Variants in COL25A1 observed in about 807,000 individuals in gnomAD.
COL25A1 encodes the protein collagen alpha-1(XXV) chain.
COL25A1 carries 103 observed loss-of-function variants against 128.4 expected under a neutral mutation model. That is an observed-to-expected ratio of 0.80 (90% CI 0.68 to 0.94). The LOEUF (loss-of-function observed/expected upper bound fraction) is 0.94. COL25A1 is among the 40% of genes least tolerant of loss of function. The pLI is 0.00. For missense variants in COL25A1, 745 were observed against 840.0 expected (o/e 0.89, Z 1.40); for synonymous variants, 279 against 277.2 (o/e 1.01, Z -0.06).
chr4:109,001,375 G>GCATCTGAGATCCTGTCAGGTAGA, intron 6 of COL25A1, among the ~76,000 whole-genome samples: 3 of 152,172 alleles, frequency 2.0e-5, no homozygotes, highest in African/African-American at 2.4e-5. Context: ...AAAGAAACAG[G>GCATCTGAGATCCTGTCAGGTAGA]CATCTGAGAT....
chr4:109,266,788 G>A (rs1354905464), intron 3 of COL25A1, among the ~76,000 whole-genome samples: 1 of 152,104 alleles, frequency 6.6e-6, no homozygotes, highest in Admixed American at 6.6e-5. Flanking sequence ...CAAAAACCAA[G>A]TAGCAATTAT....
Position 108,811,689 on chromosome 4 carries a change from C to T in COL25A1, c.*2238G>A, listed in dbSNP as rs1020188430. 6.6e-6 allele frequency: 1 copy of T among 152,092 alleles called. No homozygotes were observed. The highest frequency in any genetic ancestry group is 2.4e-5 in the African/African-American group (1 of 41,438). 9.4% of individuals were successfully genotyped at this position (152,092 alleles called of 1,614,324 possible). A position where few individuals can be genotyped will look rare whatever the true frequency, so the allele number is the denominator to read the frequency against. On this transcript the variant is annotated 3_prime_UTR_variant, in exon 38 of 38. Coordinates refer to ENST00000399132, the MANE Select transcript of COL25A1 (RefSeq NM_198721.4). ...CATTGAGCAATACGTTATCCTAACA[C>T]CATGCCATACAAGAAATTGTTAGAA...
chr4:108,846,397 A>G (rs1439430853), intron 27 of COL25A1, among the ~76,000 whole-genome samples, 178 bp from the exon 28 acceptor site: 1 of 152,206 alleles, frequency 6.6e-6, no homozygotes, highest in Admixed American at 6.5e-5. Context: ...TGCAATCAGT[A>G]CTATTTCTCC....
At chr4:109,190,112 A>T (rs372993169) in intron 3 of COL25A1, among the ~76,000 whole-genome samples, 6 of 152,186 alleles carry the variant, frequency 3.9e-5, no homozygotes, top group African/African-American at 1.4e-4. Flanking sequence ...TGCAGAACCA[A>T]TCAAGCAGAT....
At chr4:109,295,566 G>A (rs1339051920) in intron 3 of COL25A1, among the ~76,000 whole-genome samples, 5 of 151,974 alleles carry the variant, frequency 3.3e-5, no homozygotes, top group Non-Finnish European at 5.9e-5. Context: ...TCCATAGATT[G>A]TGCAGTGTTA....
intron 11 of COL25A1, among the ~76,000 whole-genome samples, chr4:108,924,623 T>C (rs1745834608): frequency 6.6e-6 from 1 of 152,196 alleles, no homozygotes; most frequent in Non-Finnish European, 1.5e-5. Flanking sequence ...CTTGCTCCCT[T>C]AGCTAACGTA....
chr4:109,242,905 A>G (rs547135831), intron 3 of COL25A1, among the ~76,000 whole-genome samples: 2 of 152,188 alleles, frequency 1.3e-5, no homozygotes, highest in East Asian at 3.9e-4. Flanking sequence ...TTGTGTGTGT[A>G]TATGTATTAA....
At chr4:108,921,125 T>G (rs1207819205) in intron 11 of COL25A1, 1 of 154,284 alleles carries the variant, frequency 6.5e-6, no homozygotes, top group African/African-American at 2.4e-5. Context: ...CACAAAAACT[T>G]GTTTACAAAC....
intron 3 of COL25A1, among the ~76,000 whole-genome samples, chr4:109,065,541 CGCGCGTGTGT>C (rs1422847107): frequency 4.5e-5 from 6 of 133,556 alleles, no homozygotes; most frequent in Admixed American, 1.5e-4. Context: ...CACGCGCGCG[CGCGCGTGTGT>C]GTGTGTGTGT....
chr4:109,131,111 T>C (rs1769153009), intron 3 of COL25A1, among the ~76,000 whole-genome samples: 1 of 152,222 alleles, frequency 6.6e-6, no homozygotes, highest in South Asian at 2.1e-4. Flanking sequence ...TAGCCTTATA[T>C]GACAAAGAAC....
At chr4:109,292,624 G>A (rs576069813) in intron 3 of COL25A1, among the ~76,000 whole-genome samples, 1 of 152,000 alleles carries the variant, frequency 6.6e-6, no homozygotes, top group African/African-American at 2.4e-5. Flanking sequence ...GGAAGAGACT[G>A]TAAGTATATC....
At chr4:109,287,821 G>A (rs1158521068) in intron 3 of COL25A1, among the ~76,000 whole-genome samples, 3 of 152,154 alleles carry the variant, frequency 2.0e-5, no homozygotes, top group East Asian at 1.9e-4. Context: ...GCTTAAGGCC[G>A]AGCTGTTTGA....
intron 3 of COL25A1, among the ~76,000 whole-genome samples, chr4:109,192,386 G>A (rs544408858): frequency 6.6e-6 from 1 of 152,298 alleles, no homozygotes; most frequent in South Asian, 2.1e-4. Flanking sequence ...TTATCAGCGG[G>A]AACAGGCAGT....
chr4:108,881,813 A>G (rs971278984), intron 19 of COL25A1, among the ~76,000 whole-genome samples: 2 of 152,198 alleles, frequency 1.3e-5, no homozygotes, highest in Non-Finnish European at 2.9e-5. Context: ...CATTATAAGG[A>G]AAGTGTATCT....
intron 20 of COL25A1, 61 bp from the exon 21 acceptor site, chr4:108,863,448 A>G: frequency 4.3e-6 from 6 of 1,400,654 alleles, no homozygotes; most frequent in Non-Finnish European, 5.9e-6. Flanking sequence ...GTCCCTGTAG[A>G]TTAATAAATG....
intron 3 of COL25A1, among the ~76,000 whole-genome samples, chr4:109,240,836 G>C (rs567934602): frequency 1.3e-5 from 2 of 152,182 alleles, no homozygotes; most frequent in African/African-American, 4.8e-5. Context: ...CTGTCCAGGA[G>C]TCTGGGAGTT....
In COL25A1 at chr4:109,013,655, G is replaced by GGAGGAATGAACAACTCTGAACA. The variant is rs1561026102; in HGVS notation, c.421-3281_421-3280insTGTTCAGAGTTGTTCATTCCTC. 6.6e-5 allele frequency among the ~76,000 whole-genome samples: 10 copies of GGAGGAATGAACAACTCTGAACA among 151,674 alleles called. No individual in the cohort carries two copies. The East Asian group carries it at 1.9e-3, about 29-fold the overall frequency. On this transcript the variant is annotated intron_variant, in intron 5 of 37. Transcript: ENST00000399132. ...CCAGGAGGAATGAACAACTCTGAAC[G>GGAGGAATGAACAACTCTGAACA]GAAGGAATGAACAACTCCAGACGCG...
At chr4:109,202,195 A>C (rs1776604732) in intron 3 of COL25A1, among the ~76,000 whole-genome samples, 1 of 152,146 alleles carries the variant, frequency 6.6e-6, no homozygotes, top group African/African-American at 2.4e-5. Context: ...CAGAGGACTG[A>C]TGCTACCCGA....
chr4:109,242,670 G>T (rs1779975305), intron 3 of COL25A1, among the ~76,000 whole-genome samples: 1 of 152,036 alleles, frequency 6.6e-6, no homozygotes, highest in African/African-American at 2.4e-5. Context: ...TATAAAAATA[G>T]ATAGAAGTGA....
Sources: allele counts gnomAD v4.1 joint callset (sites outside exome capture counted in the v4.1 genomes callset), GRCh38; gene constraint gnomAD v4.1.1; transcripts MANE v1.5; gene names NCBI Gene and HGNC (gene_info 2026-07-23, HGNC 2026-07-21).